Variants in FCGR3B observed in about 807,000 individuals in gnomAD.
The protein encoded by FCGR3B is low affinity immunoglobulin gamma Fc region receptor III-B.
In FCGR3B, 20 loss-of-function variants were observed where a neutral mutation model predicts 26.7. The observed-to-expected ratio is 0.75, with a 90% CI of 0.53 to 1.09. FCGR3B has a LOEUF of 1.09. Ranked by LOEUF, FCGR3B falls within the 50% of genes least tolerant of loss-of-function variation. The probability of loss-of-function intolerance (pLI) is 0.00; values close to 1 mark genes in which losing one functional copy is unlikely to be tolerated. For missense variants in FCGR3B, 191 were observed against 279.7 expected (o/e 0.68, Z 2.26); for synonymous variants, 79 against 107.0 (o/e 0.74, Z 1.62).
intron 3 of FCGR3B, among the ~76,000 whole-genome samples, chr1:161,627,324 G>A (rs1191854101): frequency 2.0e-5 from 3 of 150,174 alleles, no homozygotes; most frequent in African/African-American, 7.4e-5. Flanking sequence ...TTCTCTGAAG[G>A]AGTGGGACCA....
At chr1:161,631,252 A>G (rs569000070), upstream of FCGR3B, 448 of 1,524,446 alleles carry the variant, frequency 2.9e-4, 19 homozygotes, top group Middle Eastern at 5.2e-4. Flanking sequence ...TGATTTCTCA[A>G]TCTGAAGTCT....
At position 161,631,050 on chromosome 1, in the gene FCGR3B, C is replaced by T. The variant is rs760729991; in HGVS notation, c.40+5G>A. On this transcript the variant is annotated splice_donor_5th_base_variant and intron_variant, in intron 1 of 4. Coordinates refer to ENST00000650385, the MANE Select transcript of FCGR3B (RefSeq NM_001244753.2). ...TCTCCCTCAACCAGGGAGATCCTGA[C>T]TTACCTAGAAGTAGCAGAGCAGTTG... 2 of 1,604,906 alleles carry T rather than the reference C, an allele frequency of 1.2e-6. No individual in the cohort carries two copies. The highest frequency in any genetic ancestry group is 2.2e-5 in the South Asian group (2 of 89,854).
intron 1 of FCGR3B, 70 bp from the exon 2 acceptor site, chr1:161,630,458 G>C: frequency 7.0e-7 from 1 of 1,424,466 alleles, no homozygotes; most frequent in Non-Finnish European, 9.7e-7. Context: ...CATAGAGTGA[G>C]TTTAAAACTC....
In FCGR3B at chr1:161,626,374, C is replaced by T. The variant is rs780470413; in HGVS notation, c.348G>A (p.Trp116Ter). ...IGWLLLQAPR[W>*]VFKEEDPIHL... is the part of the protein sequence containing the mutation. ...GAATAGGGTCTTCCTCCTTGAACAC[C>T]CACCGAGGGGCCTGGAGCAACAGCC... The change falls in exon 4 of 5, where the codon TGG (tryptophan) becomes TGA (stop). Residue 116 changes from tryptophan to a stop codon, truncating the protein, a stop_gained. Coordinates refer to ENST00000650385, the MANE Select transcript of FCGR3B (RefSeq NM_001244753.2). LOFTEE classifies it high-confidence loss of function. The T allele has an allele frequency of 5.6e-6, 9 of 1,609,146 alleles. No individual in the cohort carries two copies. The highest frequency in any genetic ancestry group is 7.6e-6 in the Non-Finnish European group (9 of 1,178,146).
rs560762846 is a variant in FCGR3B at position 161,624,217 on chromosome 1, G to C, written c.*298C>G. On this transcript the variant is annotated 3_prime_UTR_variant, in exon 5 of 5. Transcript: ENST00000650385. Reference sequence around the variant, plus strand: ...ACAGAAAAAGTGTTTGTGTAGCTCTGAAACTTCAATTTCTAGGAATGCAGC... The same window carrying C: ...ACAGAAAAAGTGTTTGTGTAGCTCTCAAACTTCAATTTCTAGGAATGCAGC... 1.6e-4 allele frequency: 58 copies of C among 363,678 alleles called. 3 individuals carry two copies. The highest frequency in any genetic ancestry group is 9.0e-4 in the African/African-American group (43 of 47,532). 22.5% of individuals were successfully genotyped at this position (363,678 alleles called of 1,614,324 possible).
rs1223488282 is a variant in FCGR3B, at chr1:161,627,459, C to T, written c.320-1057G>A. Among the ~76,000 whole-genome samples, 3 of 150,240 alleles carry T rather than the reference C, an allele frequency of 2.0e-5. 1 individual carries two copies. The highest frequency in any genetic ancestry group is 3.0e-5 in the Non-Finnish European group (2 of 67,742). ...AAATCTACATTCTCAGGTTGAATTA[C>T]TATAATTTTAAAAATCTACTACCTG... On this transcript the variant is annotated intron_variant, in intron 3 of 4. Coordinates refer to ENST00000650385, the MANE Select transcript of FCGR3B (RefSeq NM_001244753.2).
At chr1:161,631,561 C>A (rs998778347), upstream of FCGR3B, 2 of 393,832 alleles carry the variant, frequency 5.1e-6, 1 homozygote, top group Admixed American at 8.4e-5. Flanking sequence ...CCTGCCTCGT[C>A]CAGACCCATC....
intron 4 of FCGR3B, among the ~76,000 whole-genome samples, chr1:161,625,604 C>G (rs1679414983): frequency 7.0e-6 from 1 of 141,886 alleles, no homozygotes; most frequent in Non-Finnish European, 1.5e-5. Context: ...AGCACAGAGT[C>G]TAGCACACTG....
intron 3 of FCGR3B, among the ~76,000 whole-genome samples, chr1:161,627,021 C>G (rs1172749865): frequency 2.7e-5 from 4 of 149,870 alleles, no homozygotes; most frequent in African/African-American, 7.5e-5. Flanking sequence ...CTCGGTGAGA[C>G]CAACTTTATT....
chr1:161,630,230 T>A, intron 2 of FCGR3B, 138 bp downstream of exon 2: 1 of 882,788 alleles, frequency 1.1e-6, no homozygotes, highest in Non-Finnish European at 1.8e-6. Context: ...CAGGGCCAAG[T>A]TCTGCTGTGT....
In FCGR3B at chr1:161,625,272, T is replaced by C. The variant is rs1275792001; in HGVS notation, c.578-633A>G. On this transcript the variant is annotated intron_variant, in intron 4 of 4. Transcript: ENST00000650385. ...TGCAAATTGTTTACAATTTATGTCT[T>C]GGGCTAGTTACAGATAGAAGTTCTG... 1.1e-4 allele frequency among the ~76,000 whole-genome samples: 15 copies of C among 130,828 alleles called. 1 individual carries two copies. Among genetic ancestry groups the C allele is most frequent in the African/African-American group, 4.4e-4 (15 of 33,796 alleles). The allele number at this position is 130,828 out of a possible 152,430, so 85.8% of individuals were successfully genotyped here.
rs375707935 is a variant in FCGR3B at position 161,631,040 on chromosome 1, G to A, written c.40+15C>T. The A allele has an allele frequency of 1.9e-6, 3 of 1,603,308 alleles. No homozygotes were observed. The highest frequency in any genetic ancestry group is 2.6e-6 in the Non-Finnish European group (3 of 1,176,128). ...ATCTCAAACTTCTCCCTCAACCAGG[G>A]AGATCCTGACTTACCTAGAAGTAGC... On this transcript the variant is annotated intron_variant, in intron 1 of 4. Coordinates refer to ENST00000650385, the MANE Select transcript of FCGR3B (RefSeq NM_001244753.2).
chr1:161,626,200 C>G lies in FCGR3B; in HGVS notation c.522G>C (p.Gly174=), dbSNP rs367634824. 9.2e-5 allele frequency: 148 copies of G among 1,609,308 alleles called. 3 individuals are homozygous for G. The highest frequency in any genetic ancestry group is 1.2e-4 in the Non-Finnish European group (141 of 1,178,196). Residue 174 remains glycine (G), a synonymous_variant, in exon 4 of 5, where the codon GGG becomes GGC. Transcript: ENST00000650385. Reference sequence around the variant, plus strand: ...AAGACACATTTTTACTCCCAACAAGCCCCCTGCAGAAGTAGGAGCCGCTAT... The same window carrying G: ...AAGACACATTTTTACTCCCAACAAGGCCCCTGCAGAAGTAGGAGCCGCTAT... ...LKDSGSYFCR[G]LVGSKNVSSE... is the part of the protein sequence containing the mutation.
intron 3 of FCGR3B, among the ~76,000 whole-genome samples, chr1:161,627,589 C>T (rs1478222476): frequency 6.7e-6 from 1 of 150,356 alleles, no homozygotes; most frequent in African/African-American, 2.5e-5. Context: ...TATCATTTAT[C>T]AAAAGAAGCC....
At chr1:161,631,210 A>G, upstream of FCGR3B, 1 of 1,586,050 alleles carries the variant, frequency 6.3e-7, no homozygotes, top group Non-Finnish European at 8.6e-7. Flanking sequence ...CATCTCTGTC[A>G]CCTGCCAGTT....
upstream of FCGR3B, chr1:161,631,238 C>T (rs533212810): frequency 4.6e-5 from 72 of 1,552,754 alleles, 3 homozygotes; most frequent in African/African-American, 7.7e-4. Flanking sequence ...CTTGAAACTT[C>T]ATCTGATTTC....
rs1457321875 is a variant in FCGR3B, at chr1:161,623,357, C to T, written c.*1158G>A. ...CTTTCATAAGCAACAATTGTCTTCT[C>T]CATCCCCACCTCATTGGAACTGACA... is the stretch of plus-strand genomic sequence containing the variant. On this transcript the variant is annotated 3_prime_UTR_variant, in exon 5 of 5. Coordinates refer to ENST00000650385, the MANE Select transcript of FCGR3B (RefSeq NM_001244753.2). 6.6e-6 allele frequency: 1 copy of T among 150,454 alleles called. No individual in the cohort carries two copies. The highest frequency in any genetic ancestry group is 2.5e-5 in the African/African-American group (1 of 40,386). The allele number at this position is 150,454 out of a possible 1,614,324, so 9.3% of individuals were successfully genotyped here. A position where few individuals can be genotyped will look rare whatever the true frequency, so the allele number is the denominator to read the frequency against.
At chr1:161,626,990 G>C (rs561267102) in intron 3 of FCGR3B, among the ~76,000 whole-genome samples, 1 of 149,894 alleles carries the variant, frequency 6.7e-6, no homozygotes, top group Non-Finnish European at 1.5e-5. Flanking sequence ...GCAATTCGTG[G>C]TTTCTAAGGT....
At chr1:161,630,244 A>G in intron 2 of FCGR3B, 124 bp downstream of exon 2, 1 of 940,758 alleles carries the variant, frequency 1.1e-6, no homozygotes, top group South Asian at 1.4e-5. Flanking sequence ...GCTGTGTTGG[A>G]GGAACTATCC....
Sources: gnomAD v4.1 joint callset for allele counts (sites outside exome capture counted in the v4.1 genomes callset) on GRCh38, gnomAD v4.1.1 for gene constraint, MANE v1.5 for transcripts, NCBI Gene and HGNC (gene_info 2026-07-23, HGNC 2026-07-21) for gene names.